PDE11A: variants seen among roughly 807,000 people sequenced by gnomAD.
PDE11A encodes the protein phosphodiesterase 11A.
Under a neutral mutation model 100.5 loss-of-function variants are expected in PDE11A, and 100 were observed. The observed-to-expected ratio is 1.00, with a 90% CI of 0.85 to 1.18. PDE11A has a LOEUF of 1.18. Among genes scored for constraint, PDE11A ranks in the 50% most tolerant of loss-of-function variants. The pLI is 0.00. For synonymous variants in PDE11A, 381 were observed against 420.8 expected (o/e 0.91, Z 1.16); for missense variants, 1,141 against 1,152.6 (o/e 0.99, Z 0.15).
chr2:177,951,927 T>C (rs973972148), intron 2 of PDE11A, among the ~76,000 whole-genome samples: 6 of 152,224 alleles, frequency 3.9e-5, no homozygotes, highest in African/African-American at 1.2e-4. Context: ...TAAAAAATAC[T>C]TTAAGTTCTA....
In PDE11A at chr2:177,676,982, T is replaced by C. The variant is rs528052896; in HGVS notation, c.2424-1464A>G. ...CTACCAGATGCCCTCTTACTACACA[T>C]GGATGCTGACAGTACTGGAGGGGGA... On this transcript the variant is annotated intron_variant, in intron 16 of 19. Transcript: ENST00000286063. Among the ~76,000 whole-genome samples, 21 of 152,354 alleles carry C rather than the reference T, an allele frequency of 1.4e-4. No homozygotes were observed. The South Asian group carries it at 4.3e-3, about 32-fold the overall frequency.
In PDE11A at chr2:177,922,633, A is replaced by G. The variant is rs973118656; in HGVS notation, c.1072-17446T>C. ...CTGAGTCCGGCTAATTTTACCTGTT[A>G]GTTATGTCTCAACATTGTCTGCTTC... On this transcript the variant is annotated intron_variant, in intron 2 of 19. Coordinates refer to ENST00000286063, the MANE Select transcript of PDE11A (RefSeq NM_016953.4). 64 of 935,100 alleles carry G rather than the reference A, an allele frequency of 6.8e-5. No individual in the cohort carries two copies. In the African/African-American group the frequency reaches 1.0e-3, roughly 15 times the overall value. 57.9% of individuals were successfully genotyped at this position (935,100 alleles called of 1,614,324 possible).
chr2:178,048,559 G>T (rs2086782409), intron 1 of PDE11A, among the ~76,000 whole-genome samples: 1 of 152,122 alleles, frequency 6.6e-6, no homozygotes, highest in African/African-American at 2.4e-5. Flanking sequence ...GACTAACAGG[G>T]CATGCACAAC....
chr2:177,942,681 GA>G (rs2085359092), intron 2 of PDE11A, among the ~76,000 whole-genome samples: 1 of 151,998 alleles, frequency 6.6e-6, no homozygotes, highest in African/African-American at 2.4e-5. Flanking sequence ...GGATTTATAG[GA>G]ATGAGCCACC....
intron 6 of PDE11A, among the ~76,000 whole-genome samples, chr2:177,824,551 T>C (rs982421651): frequency 8.5e-5 from 13 of 152,216 alleles, no homozygotes; most frequent in Non-Finnish European, 1.8e-4. Flanking sequence ...TATTGATGTG[T>C]ATCCAGAGCC....
At chr2:178,061,632 C>A (rs1389316033) in intron 1 of PDE11A, among the ~76,000 whole-genome samples, 2 of 152,126 alleles carry the variant, frequency 1.3e-5, no homozygotes, top group African/African-American at 4.8e-5. Flanking sequence ...GGCTCGGAAG[C>A]AAAGTTTGAC....
chr2:177,908,960 C>A (rs145596424), intron 2 of PDE11A, among the ~76,000 whole-genome samples: 1 of 152,174 alleles, frequency 6.6e-6, no homozygotes, highest in Non-Finnish European at 1.5e-5. Flanking sequence ...CAAATCAGAT[C>A]GGTATTAGTT....
chr2:178,055,515 A>G (rs2086889244), intron 1 of PDE11A, among the ~76,000 whole-genome samples: 1 of 152,186 alleles, frequency 6.6e-6, no homozygotes, highest in African/African-American at 2.4e-5. Context: ...TAAAAATAAA[A>G]AAATAAAGTG....
intron 2 of PDE11A, among the ~76,000 whole-genome samples, chr2:177,945,784 T>G (rs1402813416): frequency 3.3e-4 from 38 of 116,596 alleles, no homozygotes; most frequent in South Asian, 5.9e-4. Flanking sequence ...AGGTGGGGGG[T>G]CAGCCCCCCC....
chr2:177,669,281 G>T (rs116747346), intron 18 of PDE11A, among the ~76,000 whole-genome samples: 4,483 of 152,206 alleles, frequency 0.029, 122 homozygotes, highest in South Asian at 0.066. Context: ...CTGTGGGTGC[G>T]CAGGAAATGC....
chr2:177,916,927 A>ATTTTTTTTTTTTTTTTTT (rs1183483256), intron 2 of PDE11A, among the ~76,000 whole-genome samples: 12 of 105,308 alleles, frequency 1.1e-4, no homozygotes, highest in African/African-American at 2.6e-4. Flanking sequence ...CGCCCGGCTA[A>ATTTTTTTTTTTTTTTTTT]TTTTTTTTTT....
intron 2 of PDE11A, among the ~76,000 whole-genome samples, chr2:177,987,109 C>CATGTCCCCCAAAT (rs1397425533): frequency 2.0e-5 from 3 of 151,966 alleles, no homozygotes; most frequent in Non-Finnish European, 4.4e-5. Context: ...CCATGAAGAC[C>CATGTCCCCCAAAT]ATGTCCCCCA....
chr2:178,046,736 G>C (rs984118248), intron 1 of PDE11A, among the ~76,000 whole-genome samples: 1 of 152,038 alleles, frequency 6.6e-6, no homozygotes, highest in African/African-American at 2.4e-5. Flanking sequence ...TACTCTTCTC[G>C]GTCAATGTAA....
At chr2:178,104,471 G>A (rs1241771789) in exon 2 of PDE11A, 1 of 1,613,424 alleles carries the variant, frequency 6.2e-7, no homozygotes, top group South Asian at 1.1e-5. Context: ...CATCTCCCAT[G>A]TTGCTCTGCA....
chr2:177,984,066 A>G lies in PDE11A; in HGVS notation c.1071+30236T>C, dbSNP rs551183935. ...AATTTTTTCTACTTAGCAGCTATCA[A>G]TCAATACCAAAACGATTATCTCTTG... On this transcript the variant is annotated intron_variant, in intron 2 of 19. Coordinates refer to ENST00000286063, the MANE Select transcript of PDE11A (RefSeq NM_016953.4). 2.2e-3 allele frequency among the ~76,000 whole-genome samples: 339 copies of G among 152,234 alleles called. 1 individual carries two copies. Among genetic ancestry groups the G allele is most frequent in the Non-Finnish European group, 3.8e-3 (257 of 68,016 alleles).
In PDE11A at chr2:177,674,852, C is replaced by T. The variant is rs191738839; in HGVS notation, c.2487+603G>A. 3.7e-3 allele frequency among the ~76,000 whole-genome samples: 556 copies of T among 152,268 alleles called. 4 individuals carry two copies. Among genetic ancestry groups the T allele is most frequent in the East Asian group, 0.021 (109 of 5,184 alleles). ...CACACAGTAGGTGCATCATAAAACG[C>T]ACATAACGATTAACCTCTAAATACC... On this transcript the variant is annotated intron_variant, in intron 17 of 19. Coordinates refer to ENST00000286063, the MANE Select transcript of PDE11A (RefSeq NM_016953.4).
At chr2:177,665,169 T>C (rs1472556218) in intron 18 of PDE11A, among the ~76,000 whole-genome samples, 1 of 152,098 alleles carries the variant, frequency 6.6e-6, no homozygotes, top group African/African-American at 2.4e-5. Context: ...ATATGAGTCT[T>C]GATCCAAAAT....
At chr2:177,771,070 C>G (rs1574124981) in intron 9 of PDE11A, among the ~76,000 whole-genome samples, 2 of 152,154 alleles carry the variant, frequency 1.3e-5, no homozygotes, top group Non-Finnish European at 2.9e-5. Flanking sequence ...TTCAAGCGAT[C>G]CTCCCGCCTC....
chr2:177,923,434 T>A (rs1041028676), intron 2 of PDE11A, among the ~76,000 whole-genome samples: 4 of 152,052 alleles, frequency 2.6e-5, no homozygotes, highest in African/African-American at 7.2e-5. Context: ...CTTCAGTAAG[T>A]GATGAATAAG....
Sources: allele counts gnomAD v4.1 joint callset (sites outside exome capture counted in the v4.1 genomes callset), GRCh38; gene constraint gnomAD v4.1.1; transcripts MANE v1.5; gene names NCBI Gene and HGNC (gene_info 2026-07-23, HGNC 2026-07-21).